Variants in PLA2G6 observed in about 807,000 individuals in gnomAD.
PLA2G6 encodes phospholipase A2 group VI.
In PLA2G6, 62 loss-of-function variants were observed where a neutral mutation model predicts 83.8. The ratio of observed to expected loss-of-function variants is 0.74; its 90% CI spans 0.60 to 0.91. The LOEUF (loss-of-function observed/expected upper bound fraction) is 0.91, where lower values mean the gene tolerates loss of function less well. PLA2G6 is among the 40% of genes least tolerant of loss of function. The pLI, the probability that PLA2G6 is intolerant of heterozygous loss-of-function variation, is 0.00. For missense variants in PLA2G6, 944 were observed against 1,102.0 expected (o/e 0.86, Z 2.03); for synonymous variants, 417 against 449.8 (o/e 0.93, Z 0.92).
chr22:38,126,911 C>A, intron 9 of PLA2G6: 1 of 730,876 alleles, frequency 1.4e-6, no homozygotes, highest in Non-Finnish European at 1.8e-6. Flanking sequence ...AGTCAAAAGG[C>A]TGAGTCAGGA....
At chr22:38,122,178 G>A (rs1409815379) in intron 11 of PLA2G6, among the ~76,000 whole-genome samples, 1 of 152,090 alleles carries the variant, frequency 6.6e-6, no homozygotes, top group Non-Finnish European at 1.5e-5. Flanking sequence ...CACAGGCCTG[G>A]CCCACAGGCC....
At position 38,132,812 on chromosome 22, in the gene PLA2G6, C is replaced by T. The variant is rs1214897859; in HGVS notation, c.1077+19G>A. ...CCCACCGGGGCCCCACAGGGCAGGA[C>T]ACGCGGTCCTGGGCTCACCGACATG... On this transcript the variant is annotated intron_variant, in intron 7 of 16. Transcript: ENST00000332509. The surrounding 1 kb of genome is among the most constrained non-coding windows in gnomAD (Gnocchi z 5.0). 4 of 1,537,898 alleles carry T rather than the reference C, an allele frequency of 2.6e-6. No individual in the cohort carries two copies. The highest frequency in any genetic ancestry group is 3.5e-6 in the Non-Finnish European group (4 of 1,144,374).
intron 2 of PLA2G6, among the ~76,000 whole-genome samples, chr22:38,159,555 C>T (rs918866545): frequency 6.6e-6 from 1 of 151,972 alleles, no homozygotes; most frequent in African/African-American, 2.4e-5. Context: ...TTGATGAGAC[C>T]GTGTCTCTAC....
Position 38,132,937 on chromosome 22 carries a change from G to A in PLA2G6, c.971C>T (p.Ala324Val), listed in dbSNP as rs757139688. ...ACAGTCGAAGCGGTTGCGCATCACC[G>A]CCACGTGCAGGGCCGTGTTCCCCGC... is the stretch of plus-strand genomic sequence containing the variant. ...SSAGNTALHV[A>V]VMRNRFDCAI... Residue 324 changes from alanine to valine, a missense_variant, in exon 7 of 17, where the codon GCG becomes GTG. Physicochemically the swap from Ala to Val is moderately conservative, Grantham distance 64. Transcript: ENST00000332509. This position sits in a 1 kb window ranked among gnomAD's most constrained non-coding sequence, Gnocchi z 5.0. 3.2e-5 allele frequency: 50 copies of A among 1,561,104 alleles called. 1 individual carries two copies. Among genetic ancestry groups the A allele is most frequent in the Admixed American group, 1.3e-4 (7 of 52,372 alleles).
intron 7 of PLA2G6, chr22:38,131,050 T>A (rs2088181874): frequency 1.3e-5 from 2 of 152,168 alleles, no homozygotes; most frequent in Non-Finnish European, 2.9e-5. Context: ...ATTAAGTACA[T>A]AATTGTAAAG....
At chr22:38,140,688 A>G (rs1337768564) in intron 4 of PLA2G6, 1 of 175,284 alleles carries the variant, frequency 5.7e-6, no homozygotes, top group Non-Finnish European at 1.2e-5. Context: ...CTTGCTTTTC[A>G]TTCTGTCCTG....
intron 1 of PLA2G6, among the ~76,000 whole-genome samples, chr22:38,175,782 C>T (rs2090608666): frequency 1.3e-5 from 2 of 152,198 alleles, no homozygotes; most frequent in Admixed American, 1.3e-4. Flanking sequence ...AATGGGGGTG[C>T]ATCTGTTGGC....
At chr22:38,173,855 G>C (rs2090527958) in intron 1 of PLA2G6, among the ~76,000 whole-genome samples, 2 of 151,964 alleles carry the variant, frequency 1.3e-5, no homozygotes, top group Non-Finnish European at 2.9e-5. Context: ...TTTGAGACCA[G>C]CCTGGGGAAC....
chr22:38,149,516 G>A (rs150035702), intron 2 of PLA2G6: 68 of 152,292 alleles, frequency 4.5e-4, no homozygotes, highest in African/African-American at 1.6e-3. Flanking sequence ...GAGTACATAA[G>A]AGACACAGAC....
In PLA2G6 at chr22:38,169,308, T is replaced by C; in HGVS notation, c.119A>G (p.Glu40Gly). 6.2e-7 allele frequency: 1 copy of C among 1,614,174 alleles called. No individual in the cohort carries two copies. Among genetic ancestry groups the C allele is most frequent in the Non-Finnish European group, 8.5e-7 (1 of 1,180,026 alleles). Residue 40 changes from glutamate to glycine, a missense_variant, in exon 2 of 17, where the codon GAG becomes GGG. Transcript: ENST00000332509. ...CTGGAACAGAATCAGCTGCCCTTCC[T>C]CCCGAACTCGGTCACTCGAGGTGTA... ...ADYTSSDRVR[E>G]EGQLILFQNT... is the part of the protein sequence containing the mutation.
chr22:38,116,080 G>T lies in PLA2G6; in HGVS notation c.1874C>A (p.Pro625His). The change falls in exon 13 of 17, where the codon CCC becomes CAC. Residue 625 changes from proline (P) to histidine (H), a missense_variant. Physicochemically the swap from Pro to His is moderately conservative, Grantham distance 77 (BLOSUM62 -2). Coordinates refer to ENST00000332509, the MANE Select transcript of PLA2G6 (RefSeq NM_003560.4). The part of the protein sequence containing the change: ...QNVNLRPPAQ[P>H]SDQLVWRAAR... The stretch of plus-strand genomic sequence containing the variant: ...GCATCAAACATGGTTTAAACCTGAG[G>T]GCTGAGCTGGAGGCCTGAGGTTAAC... 1 of 1,614,018 alleles carries T rather than the reference G, an allele frequency of 6.2e-7. No homozygotes were observed. The highest frequency in any genetic ancestry group is 8.5e-7 in the Non-Finnish European group (1 of 1,180,006).
chr22:38,113,824 C>A lies in PLA2G6; in HGVS notation c.2035-170G>T, dbSNP rs760259453. 4 of 715,716 alleles carry A rather than the reference C, an allele frequency of 5.6e-6. No homozygotes were observed. The East Asian group carries it at 1.1e-4, about 19-fold the overall frequency. 44.3% of individuals were successfully genotyped at this position (715,716 alleles called of 1,614,324 possible). A position where few individuals can be genotyped will look rare whatever the true frequency, so the allele number is the denominator to read the frequency against. On this transcript the variant is annotated intron_variant, in intron 14 of 16. Coordinates refer to ENST00000332509, the MANE Select transcript of PLA2G6 (RefSeq NM_003560.4). ...CATGATTTCCAGCCAGCCTCTTGCA[C>A]GTGACCCCAGAACGGCTGGTGCGGG...
At chr22:38,179,182 T>C (rs1405112048) in intron 1 of PLA2G6, among the ~76,000 whole-genome samples, 1 of 152,148 alleles carries the variant, frequency 6.6e-6, no homozygotes, top group Non-Finnish European at 1.5e-5. Context: ...GCCATGGGGC[T>C]GGAACATGTT....
intron 6 of PLA2G6, chr22:38,134,169 A>G (rs1369467860): frequency 2.6e-5 from 4 of 152,426 alleles, no homozygotes; most frequent in African/African-American, 9.7e-5. Context: ...TCAGACTCCA[A>G]GTCCTTCAGC....
At chr22:38,178,653 T>C (rs1383714886) in intron 1 of PLA2G6, among the ~76,000 whole-genome samples, 1 of 151,844 alleles carries the variant, frequency 6.6e-6, no homozygotes, top group East Asian at 1.9e-4. Context: ...TCACTTGAGG[T>C]CAAGAGTTCA....
chr22:38,125,178 G>T (rs530021165), intron 10 of PLA2G6, among the ~76,000 whole-genome samples: 1 of 152,022 alleles, frequency 6.6e-6, no homozygotes, highest in African/African-American at 2.4e-5. Flanking sequence ...GCATGCATGT[G>T]TATGTGTGCG....
At chr22:38,157,178 T>G (rs1171897540) in intron 2 of PLA2G6, among the ~76,000 whole-genome samples, 1 of 151,552 alleles carries the variant, frequency 6.6e-6, no homozygotes, top group Non-Finnish European at 1.5e-5. Context: ...CAAAATAAAG[T>G]TTTTTGAAAA....
intron 1 of PLA2G6, among the ~76,000 whole-genome samples, chr22:38,173,965 T>C (rs1488041605): frequency 1.3e-5 from 2 of 151,760 alleles, no homozygotes; most frequent in Non-Finnish European, 2.9e-5. Flanking sequence ...GGCAAGAGGA[T>C]TGCTTGATCC....
At chr22:38,118,085 T>C (rs1344192247) in intron 12 of PLA2G6, among the ~76,000 whole-genome samples, 2 of 151,234 alleles carry the variant, frequency 1.3e-5, no homozygotes, top group Non-Finnish European at 2.9e-5. Context: ...AGACAAATAC[T>C]GTATGATTCC....
Sources: gnomAD v4.1 joint callset for allele counts (sites outside exome capture counted in the v4.1 genomes callset) on GRCh38, gnomAD v4.1.1 for gene constraint, Gnocchi (gnomAD v3.1) non-coding constraint, MANE v1.5 for transcripts, NCBI Gene and HGNC (gene_info 2026-07-23, HGNC 2026-07-21) for gene names.